The following OR51B5 variants were observed in gnomAD, a reference collection of about 807,000 sequenced individuals.
OR51B5 encodes the protein olfactory receptor family 51 subfamily B member 5, also known as olfactory receptor 51B5.
For missense variants in OR51B5, 456 were observed against 374.6 expected (o/e 1.22, Z -1.79); for synonymous variants, 186 against 144.8 (o/e 1.28, Z -2.04).
At chr11:5,410,023 A>G (rs1392441740) in intron 1 of OR51B5, among the ~76,000 whole-genome samples, 3 of 151,986 alleles carry the variant, frequency 2.0e-5, no homozygotes, top group African/African-American at 7.2e-5. Context: ...ATCCCATTCT[A>G]TACACAGTGA....
At chr11:5,368,199 G>C (rs903465520) in intron 1 of OR51B5, among the ~76,000 whole-genome samples, 3 of 152,168 alleles carry the variant, frequency 2.0e-5, no homozygotes, top group Non-Finnish European at 4.4e-5. Flanking sequence ...TAGGCTTCTT[G>C]AAACCTATTG....
intron 1 of OR51B5, among the ~76,000 whole-genome samples, chr11:5,498,232 A>G (rs930500147): frequency 6.6e-6 from 1 of 152,092 alleles, no homozygotes. Flanking sequence ...CCCCTTAGCT[A>G]TCTTTGGCGA....
At chr11:5,343,016 T>G in exon 1 of OR51B5, 1 of 1,613,472 alleles carries the variant, frequency 6.2e-7, no homozygotes, top group Middle Eastern at 1.7e-4. Context: ...TGAAAGAACA[T>G]GGGAGTGACA....
Position 5,357,378 on chromosome 11 carries a change from A to C in OR51B5, n.85-10468T>G, listed in dbSNP as rs576750889. Among the ~76,000 whole-genome samples, 4 of 151,130 alleles carry C rather than the reference A, an allele frequency of 2.6e-5. No individual in the cohort carries two copies. The South Asian group carries it at 8.5e-4, about 32-fold the overall frequency. On this transcript the variant is annotated intron_variant and non_coding_transcript_variant, in intron 1 of 4. Transcript: ENST00000415970. ...CCAACAAAGATCAAAAGAGACAAAG[A>C]AGGCCATTACATAATGGTAAAGGGA...
chr11:5,347,219 G>C (rs1289836355), upstream of OR51B5, among the ~76,000 whole-genome samples: 1 of 152,098 alleles, frequency 6.6e-6, no homozygotes, highest in African/African-American at 2.4e-5. Flanking sequence ...TACTTCAACA[G>C]TCAAATCTTT....
At chr11:5,343,209 A>C in exon 1 of OR51B5, 1 of 1,613,814 alleles carries the variant, frequency 6.2e-7, no homozygotes, top group Non-Finnish European at 8.5e-7. Context: ...TCGAGAAAGG[A>C]AAGTGAGTGT....
Position 5,492,507 on chromosome 11 carries a change from T to A in OR51B5, n.84+13062A>T, listed in dbSNP as rs974834274. Among the ~76,000 whole-genome samples the A allele has an allele frequency of 6.6e-5, 10 of 152,280 alleles. No homozygotes were observed. The South Asian group carries it at 1.9e-3, about 28-fold the overall frequency. ...TAATTTTTCTCTCTGAGACTCTAAA[T>A]TCCCAAAGAGTTGGAACTTAATTGG... On this transcript the variant is annotated intron_variant and non_coding_transcript_variant, in intron 1 of 4. Coordinates refer to the OR51B5 transcript ENST00000415970.
intron 1 of OR51B5, chr11:5,431,484 G>T: frequency 5.8e-6 from 1 of 171,394 alleles, no homozygotes; most frequent in Non-Finnish European, 1.3e-5. Flanking sequence ...TCCCACAATG[G>T]CCACAATGTA....
intron 1 of OR51B5, among the ~76,000 whole-genome samples, chr11:5,459,853 C>A (rs961503570): frequency 6.6e-6 from 1 of 152,108 alleles, no homozygotes; most frequent in African/African-American, 2.4e-5. Flanking sequence ...ACAGGACAAC[C>A]ATTCAACCCA....
At chr11:5,389,789 T>C in intron 1 of OR51B5, 1 of 1,614,016 alleles carries the variant, frequency 6.2e-7, no homozygotes, top group Non-Finnish European at 8.5e-7. Context: ...CCTCATGATG[T>C]CCTTTGACCG....
intron 1 of OR51B5, chr11:5,440,939 T>C: frequency 6.2e-7 from 1 of 1,613,914 alleles, no homozygotes; most frequent in Non-Finnish European, 8.5e-7. Context: ...CATGGATGTC[T>C]CCACATGCTA....
chr11:5,484,059 C>T (rs1281739115), intron 1 of OR51B5, among the ~76,000 whole-genome samples: 1 of 152,132 alleles, frequency 6.6e-6, no homozygotes, highest in African/African-American at 2.4e-5. Context: ...ACAGTTTCAC[C>T]CTCATACACA....
rs770977851 is a variant in OR51B5, at chr11:5,351,866, G to A, written n.85-4956C>T. 62 of 1,613,248 alleles carry A rather than the reference G, an allele frequency of 3.8e-5. 1 individual carries two copies. The South Asian group carries it at 5.7e-4, about 15-fold the overall frequency. On this transcript the variant is annotated intron_variant and non_coding_transcript_variant, in intron 1 of 4. Transcript: ENST00000415970. Reference sequence around the variant, plus strand: ...GTCTTGCTTGCCATGGCTTATGACTGTTTCATTACCATCCGCAGCCCCTTA... The same window carrying A: ...GTCTTGCTTGCCATGGCTTATGACTATTTCATTACCATCCGCAGCCCCTTA...
exon 1 of OR51B5, chr11:5,505,610 G>A (rs980926953): frequency 4.4e-5 from 25 of 574,242 alleles, no homozygotes; most frequent in Non-Finnish European, 6.4e-5. Flanking sequence ...ATGGCCAGGA[G>A]AAGCAAGTCA....
At chr11:5,479,091 A>T (rs1269769320) in intron 1 of OR51B5, among the ~76,000 whole-genome samples, 2 of 151,204 alleles carry the variant, frequency 1.3e-5, no homozygotes, top group African/African-American at 2.4e-5. Flanking sequence ...GAAGGAAAAA[A>T]TGTTAAGGGC....
chr11:5,505,487 G>C (rs371416034), intron 1 of OR51B5: 28 of 1,289,432 alleles, frequency 2.2e-5, no homozygotes, highest in East Asian at 1.7e-4. Flanking sequence ...AACTGAAGCT[G>C]TATTTGTCCG....
chr11:5,462,909 T>C (rs1190028926), intron 1 of OR51B5, among the ~76,000 whole-genome samples: 2 of 152,216 alleles, frequency 1.3e-5, no homozygotes, highest in African/African-American at 4.8e-5. Flanking sequence ...TCAGTTACTT[T>C]GTGAATTCTC....
chr11:5,498,503 T>C (rs941176481), intron 1 of OR51B5, among the ~76,000 whole-genome samples: 1 of 152,130 alleles, frequency 6.6e-6, no homozygotes, highest in Admixed American at 6.5e-5. Context: ...TACCTACAAA[T>C]TGTCTTCTTC....
chr11:5,481,679 A>AT (rs1851422914), intron 1 of OR51B5, among the ~76,000 whole-genome samples: 1 of 126,696 alleles, frequency 7.9e-6, no homozygotes, highest in Admixed American at 7.8e-5. Context: ...TACAAAATCA[A>AT]TGTACAAAAA....
Sources: gnomAD v4.1 joint callset for allele counts (sites outside exome capture counted in the v4.1 genomes callset) on GRCh38, gnomAD v4.1.1 for gene constraint, MANE v1.5 for transcripts, NCBI Gene and HGNC (gene_info 2026-07-23, HGNC 2026-07-21) for gene names.